Variants in JAM2 observed in about 807,000 individuals in gnomAD.
JAM2 encodes junctional adhesion molecule 2, also known as junctional adhesion molecule B.
A neutral mutation model predicts 42.0 loss-of-function variants in JAM2; 17 were observed. The ratio of observed to expected loss-of-function variants is 0.40; its 90% CI spans 0.28 to 0.61. The LOEUF (loss-of-function observed/expected upper bound fraction) is 0.61. JAM2 is among the 20% of genes least tolerant of loss of function. JAM2 has a pLI of 0.37. For synonymous variants in JAM2, 118 were observed against 128.6 expected (o/e 0.92, Z 0.56); for missense variants, 319 against 358.3 (o/e 0.89, Z 0.89).
At chr21:25,666,019 G>A (rs1324725592) in intron 1 of JAM2, among the ~76,000 whole-genome samples, 1 of 151,934 alleles carries the variant, frequency 6.6e-6, no homozygotes, top group Non-Finnish European at 1.5e-5. Context: ...CAGCCCGGGT[G>A]ATAGAGTGAG....
In JAM2 at chr21:25,714,770, C is replaced by T. The variant is rs11702420; in HGVS notation, c.*98C>T. ...TGTCCGACATTTGCAAAGAGGTACACGAGGAAATGGAATTGGTATTTCATT... is the reference window on the plus strand; with the variant it reads ...TGTCCGACATTTGCAAAGAGGTACATGAGGAAATGGAATTGGTATTTCATT... On this transcript the variant is annotated 3_prime_UTR_variant, in exon 10 of 10. Coordinates refer to ENST00000480456, the MANE Select transcript of JAM2 (RefSeq NM_021219.4). 2.9e-3 allele frequency: 2,153 copies of T among 746,790 alleles called. 9 individuals are homozygous for T. The highest frequency in any genetic ancestry group is 3.7e-3 in the Non-Finnish European group (1,762 of 477,586). 46.3% of individuals were successfully genotyped at this position (746,790 alleles called of 1,614,324 possible). A position where few individuals can be genotyped will look rare whatever the true frequency, so the allele number is the denominator to read the frequency against.
chr21:25,658,425 A>G (rs949647872), intron 1 of JAM2, among the ~76,000 whole-genome samples: 2 of 152,164 alleles, frequency 1.3e-5, no homozygotes, highest in Non-Finnish European at 2.9e-5. Flanking sequence ...CCTGTATTTA[A>G]GTGGTAAAAT....
intron 1 of JAM2, among the ~76,000 whole-genome samples, chr21:25,652,521 C>G (rs2032810991): frequency 6.6e-6 from 1 of 152,116 alleles, no homozygotes; most frequent in Non-Finnish European, 1.5e-5. Context: ...TAGAATATAT[C>G]TTAAGGACAA....
intron 1 of JAM2, among the ~76,000 whole-genome samples, chr21:25,663,678 C>T (rs930970200): frequency 2.6e-5 from 4 of 152,064 alleles, no homozygotes; most frequent in Non-Finnish European, 2.9e-5. Context: ...CCTGTGATGC[C>T]CTGTACCACC....
intron 1 of JAM2, among the ~76,000 whole-genome samples, chr21:25,668,681 G>A (rs2033281894): frequency 6.6e-6 from 1 of 152,208 alleles, no homozygotes; most frequent in African/African-American, 2.4e-5. Context: ...TAGGCATTTG[G>A]ATCTGAAGTT....
chr21:25,702,196 C>G lies in JAM2; in HGVS notation c.624C>G (p.Asp208Glu). 1 of 1,588,072 alleles carries G rather than the reference C, an allele frequency of 6.3e-7. No homozygotes were observed. Among genetic ancestry groups the G allele is most frequent in the South Asian group, 1.1e-5 (1 of 88,248 alleles). ...TLQFNTVSKL[D>E]TGEYSCEARN... is the part of the protein sequence containing the mutation. The stretch of plus-strand genomic sequence containing the variant: ...AATTTAATACTGTTTCCAAACTGGA[C>G]ACTGGAGAATATTCCTGTGAAGCCC... The change falls in exon 6 of 10, where the codon GAC becomes GAG. Residue 208 changes from aspartate (D) to glutamate (E), a missense_variant. Coordinates refer to ENST00000480456, the MANE Select transcript of JAM2 (RefSeq NM_021219.4).
At chr21:25,690,036 T>G in intron 3 of JAM2, 63 bp downstream of exon 3, 3 of 994,780 alleles carry the variant, frequency 3.0e-6, no homozygotes, top group Non-Finnish European at 4.8e-6. Flanking sequence ...CAGGATCCTT[T>G]AATTGGCAAA....
chr21:25,641,872 T>C (rs2032454265), intron 1 of JAM2, among the ~76,000 whole-genome samples: 1 of 152,172 alleles, frequency 6.6e-6, no homozygotes, highest in African/African-American at 2.4e-5. Flanking sequence ...TGCTTTCTCT[T>C]ACTATAATGG....
At chr21:25,707,727 A>G (rs1281823955) in intron 7 of JAM2, among the ~76,000 whole-genome samples, 1 of 152,224 alleles carries the variant, frequency 6.6e-6, no homozygotes, top group African/African-American at 2.4e-5. Context: ...GCATTCTATC[A>G]GGGCCACTGG....
intron 4 of JAM2, among the ~76,000 whole-genome samples, chr21:25,695,167 G>C (rs2033975713): frequency 6.6e-6 from 1 of 152,032 alleles, no homozygotes; most frequent in Admixed American, 6.5e-5. Context: ...TTGAGATTAG[G>C]GAGTGGTGAT....
intron 1 of JAM2, among the ~76,000 whole-genome samples, chr21:25,642,849 A>G (rs567571918): frequency 1.3e-5 from 2 of 152,372 alleles, no homozygotes; most frequent in Non-Finnish European, 2.9e-5. Flanking sequence ...TAAACGGAGT[A>G]GCTTATAAAC....
At chr21:25,688,283 C>A (rs568854902) in intron 2 of JAM2, among the ~76,000 whole-genome samples, 152 of 131,506 alleles carry the variant, frequency 1.2e-3, no homozygotes, top group African/African-American at 3.8e-3. Context: ...TGTGTGTGTA[C>A]ACGCGCCCAC....
intron 1 of JAM2, among the ~76,000 whole-genome samples, chr21:25,659,063 C>G (rs944463248): frequency 6.6e-6 from 1 of 152,144 alleles, no homozygotes; most frequent in Non-Finnish European, 1.5e-5. Flanking sequence ...CAATATTAAC[C>G]TGAAGGGTAA....
Position 25,694,844 on chromosome 21 carries a change from A to T in JAM2, c.394+936A>T, listed in dbSNP as rs561164529. Among the ~76,000 whole-genome samples the T allele has an allele frequency of 1.7e-3, 256 of 148,366 alleles. 1 individual carries two copies. The highest frequency in any genetic ancestry group is 2.2e-3 in the Non-Finnish European group (146 of 66,582). On this transcript the variant is annotated intron_variant, in intron 4 of 9. Transcript: ENST00000480456. ...GACAGCAGGACTTTCTCAAAAAAAA[A>T]AAAAATAAAAAGAATCACTGATAGT... is the stretch of plus-strand genomic sequence containing the variant.
At position 25,698,803 on chromosome 21, in the gene JAM2, G is replaced by A. The variant is rs780217409; in HGVS notation, c.521G>A (p.Arg174His). 9.3e-6 allele frequency: 15 copies of A among 1,614,034 alleles called. No homozygotes were observed. The highest frequency in any genetic ancestry group is 1.1e-5 in the South Asian group (1 of 91,092). The change falls in exon 5 of 10, where the codon CGT becomes CAT. Residue 174 changes from arginine (R) to histidine (H), a missense_variant. Physicochemically the swap from Arg to His is conservative, Grantham distance 29. Transcript: ENST00000480456. ...PEYTWFKDGI[R>H]LLENPRLGSQ... ...TACACATGGTTTAAGGATGGCATCC[G>A]TTTGCTAGAAAATCCCAGACTTGGC...
chr21:25,684,791 T>C lies in JAM2; in HGVS notation c.133+843T>C, dbSNP rs1306854190. Reference sequence around the variant, plus strand: ...TTTGTATTTTTTTGTAGAAACAGGGTTTCACCACATTGCCCAAGCTGGTCT... The same window carrying C: ...TTTGTATTTTTTTGTAGAAACAGGGCTTCACCACATTGCCCAAGCTGGTCT... On this transcript the variant is annotated intron_variant, in intron 2 of 9. Transcript: ENST00000480456. Among the ~76,000 whole-genome samples the C allele has an allele frequency of 2.6e-5, 4 of 152,132 alleles. No individual in the cohort carries two copies. The East Asian group carries it at 7.7e-4, about 29-fold the overall frequency.
chr21:25,686,443 T>C (rs988256405), intron 2 of JAM2, among the ~76,000 whole-genome samples: 2 of 142,566 alleles, frequency 1.4e-5, no homozygotes, highest in Non-Finnish European at 3.1e-5. Context: ...ATGATTTGTG[T>C]ATATGTGTAT....
At chr21:25,707,010 T>C (rs2034286872) in intron 7 of JAM2, among the ~76,000 whole-genome samples, 1 of 152,326 alleles carries the variant, frequency 6.6e-6, no homozygotes, top group Non-Finnish European at 1.5e-5. Flanking sequence ...AGTGCTGGGA[T>C]AACAGGTGTG....
chr21:25,696,613 G>T (rs1384500384), intron 4 of JAM2, among the ~76,000 whole-genome samples: 1 of 152,156 alleles, frequency 6.6e-6, no homozygotes, highest in African/African-American at 2.4e-5. Context: ...CTGGGTATCT[G>T]CCCAAAGTAT....
Sources: gnomAD v4.1 joint callset for allele counts (sites outside exome capture counted in the v4.1 genomes callset) on GRCh38, gnomAD v4.1.1 for gene constraint, MANE v1.5 for transcripts, NCBI Gene and HGNC (gene_info 2026-07-23, HGNC 2026-07-21) for gene names.